The following RPS6KC1 variants were observed in gnomAD, a reference collection of about 807,000 sequenced individuals.
RPS6KC1 encodes inactive ribosomal protein S6 kinase delta-1.
RPS6KC1 carries 54 observed loss-of-function variants against 103.8 expected under a neutral mutation model. That is an observed-to-expected ratio of 0.52 (90% confidence interval 0.42 to 0.65). RPS6KC1 has a LOEUF of 0.65. Among genes scored for constraint, RPS6KC1 ranks in the 30% least tolerant of loss-of-function variants. The pLI, the probability that RPS6KC1 is intolerant of heterozygous loss-of-function variation, is 0.00. For synonymous variants in RPS6KC1, 439 were observed against 438.7 expected, an observed-to-expected ratio of 1.00 and a Z score of -0.01; for missense variants, 1,151 against 1,253.8, an observed-to-expected ratio of 0.92 and a Z score of 1.24.
chr1:213,180,805 G>T (rs1320199284), intron 8 of RPS6KC1, among the ~76,000 whole-genome samples: 1 of 151,994 alleles, frequency 6.6e-6, no homozygotes. Context: ...TGTGTATAAA[G>T]ATTGTTTATA....
the RPS6KC1 span, among the ~76,000 whole-genome samples, chr1:213,337,477 A>G: frequency 2.0e-5 from 3 of 152,330 alleles, no homozygotes; most frequent in East Asian, 5.8e-4. Flanking sequence ...AGCATTGATT[A>G]TATGCTCTAT....
At chr1:213,572,773 T>C in the RPS6KC1 span, among the ~76,000 whole-genome samples, 9 of 152,290 alleles carry the variant, frequency 5.9e-5, no homozygotes, top group Non-Finnish European at 1.2e-4. Context: ...TCCAAGCATA[T>C]ACTGTTAATT....
chr1:213,713,887 T>C, the RPS6KC1 span, among the ~76,000 whole-genome samples: 3 of 152,360 alleles, frequency 2.0e-5, no homozygotes, highest in South Asian at 2.1e-4. Flanking sequence ...TATAATTTCA[T>C]TGGTGCTTTC....
chr1:213,087,279 A>G (rs1029141137), intron 3 of RPS6KC1, among the ~76,000 whole-genome samples: 2 of 152,144 alleles, frequency 1.3e-5, no homozygotes, highest in African/African-American at 2.4e-5. Context: ...ATAAATACCT[A>G]TGTCTATATC....
chr1:213,832,024 C>A, the RPS6KC1 span, among the ~76,000 whole-genome samples: 1 of 152,204 alleles, frequency 6.6e-6, no homozygotes, highest in Non-Finnish European at 1.5e-5. Context: ...CCTACCTACT[C>A]TTTTAGACTC....
the RPS6KC1 span, among the ~76,000 whole-genome samples, chr1:213,765,444 G>A: frequency 6.6e-6 from 1 of 152,150 alleles, no homozygotes; most frequent in African/African-American, 2.4e-5. Flanking sequence ...GGCATTGCCA[G>A]CTCTTCTCCC....
At chr1:213,648,382 C>G in the RPS6KC1 span, among the ~76,000 whole-genome samples, 1 of 152,154 alleles carries the variant, frequency 6.6e-6, no homozygotes, top group Admixed American at 6.5e-5. Context: ...CAGAATCAGA[C>G]AGTTTGCATC....
the RPS6KC1 span, among the ~76,000 whole-genome samples, chr1:213,612,322 ATTACT>A: frequency 2.0e-5 from 3 of 152,350 alleles, no homozygotes; most frequent in Admixed American, 6.5e-5. Context: ...TCTATGATTA[ATTACT>A]TTACTTTCAA....
the RPS6KC1 span, among the ~76,000 whole-genome samples, chr1:213,329,707 C>T: frequency 6.6e-6 from 1 of 152,110 alleles, no homozygotes; most frequent in Non-Finnish European, 1.5e-5. Flanking sequence ...CCTTTCTTTC[C>T]CATTTCCTTA....
chr1:213,133,747 T>A (rs1311927226), intron 6 of RPS6KC1, among the ~76,000 whole-genome samples: 3 of 152,096 alleles, frequency 2.0e-5, no homozygotes, highest in African/African-American at 7.2e-5. Flanking sequence ...AAACTAAGAC[T>A]TACATAAATT....
intron 8 of RPS6KC1, among the ~76,000 whole-genome samples, chr1:213,218,400 G>A (rs1004419874): frequency 4.6e-5 from 7 of 152,114 alleles, no homozygotes; most frequent in African/African-American, 1.7e-4. Flanking sequence ...AACATTCCAT[G>A]CTCATGGGTA....
chr1:213,120,735 G>C (rs71634700), intron 5 of RPS6KC1, among the ~76,000 whole-genome samples: 1 of 152,168 alleles, frequency 6.6e-6, no homozygotes, highest in Non-Finnish European at 1.5e-5. Context: ...GAATTAGCTA[G>C]CTGGTGGAGT....
chr1:213,087,450 A>G (rs1445018622), intron 3 of RPS6KC1, among the ~76,000 whole-genome samples: 1 of 152,176 alleles, frequency 6.6e-6, no homozygotes, highest in Non-Finnish European at 1.5e-5. Context: ...TGTGCCAGTT[A>G]TCCCTTTATT....
the RPS6KC1 span, among the ~76,000 whole-genome samples, chr1:213,515,067 G>A: frequency 2.0e-5 from 3 of 152,140 alleles, no homozygotes; most frequent in Admixed American, 6.5e-5. Context: ...CCCACTTGTT[G>A]ATAGAGTTGT....
chr1:213,828,944 C>G, the RPS6KC1 span, among the ~76,000 whole-genome samples: 1 of 152,086 alleles, frequency 6.6e-6, no homozygotes, highest in Non-Finnish European at 1.5e-5. Flanking sequence ...ATAAAGTCTC[C>G]AAGACATTTG....
chr1:213,680,610 G>T, the RPS6KC1 span, among the ~76,000 whole-genome samples: 2 of 152,148 alleles, frequency 1.3e-5, no homozygotes, highest in Admixed American at 1.3e-4. Context: ...TCCATGTTAG[G>T]ACATGATAAT....
the RPS6KC1 span, among the ~76,000 whole-genome samples, chr1:213,477,071 C>T: frequency 6.6e-6 from 1 of 152,086 alleles, no homozygotes; most frequent in Admixed American, 6.5e-5. Flanking sequence ...ATGAAAGATC[C>T]CAGTGTCATT....
At chr1:213,725,449 C>T in the RPS6KC1 span, among the ~76,000 whole-genome samples, 1 of 152,220 alleles carries the variant, frequency 6.6e-6, no homozygotes, top group African/African-American at 2.4e-5. Flanking sequence ...CAAGAGAAGC[C>T]CTTGTTTCAG....
chr1:213,142,006 AGTCTCTTTATAG>A (rs2087107696), intron 6 of RPS6KC1, among the ~76,000 whole-genome samples: 1 of 151,948 alleles, frequency 6.6e-6, no homozygotes, highest in African/African-American at 2.4e-5. Context: ...TGATTATCTA[AGTCTCTTTATAG>A]GTCTCTATGA....
Sources: gnomAD v4.1 joint callset for allele counts (sites outside exome capture counted in the v4.1 genomes callset) on GRCh38, gnomAD v4.1.1 for gene constraint, MANE v1.5 for transcripts, NCBI Gene and HGNC (gene_info 2026-07-23, HGNC 2026-07-21) for gene names.